Variants in VSNL1 observed in about 807,000 individuals in gnomAD.
The protein encoded by VSNL1 is visinin-like protein 1.
Under a neutral mutation model 20.4 loss-of-function variants are expected in VSNL1, and 6 were observed. That is an observed-to-expected ratio of 0.29 (90% CI 0.16 to 0.58). VSNL1 has a LOEUF of 0.58. Ranked by LOEUF, VSNL1 falls within the 20% of genes least tolerant of loss-of-function variation. The pLI is 0.90. For missense variants in VSNL1, 100 were observed against 234.5 expected (o/e 0.43, Z 3.75); for synonymous variants, 93 against 86.4 (o/e 1.08, Z -0.42).
chr2:17,620,737 C>G (rs1464996059), intron 2 of VSNL1, among the ~76,000 whole-genome samples: 1 of 152,108 alleles, frequency 6.6e-6, no homozygotes, highest in East Asian at 1.9e-4. Context: ...TGATTCTAAG[C>G]CTCAGAAATA....
chr2:17,587,556 C>A (rs145655826), intron 1 of VSNL1, among the ~76,000 whole-genome samples: 292 of 152,254 alleles, frequency 1.9e-3, no homozygotes, highest in African/African-American at 6.7e-3. Flanking sequence ...TGCTCTGGAA[C>A]CTGCTATCAA....
intron 2 of VSNL1, among the ~76,000 whole-genome samples, chr2:17,617,587 A>G (rs1665245590): frequency 6.6e-6 from 1 of 152,150 alleles, no homozygotes; most frequent in Non-Finnish European, 1.5e-5. Context: ...TGGCTTGTAG[A>G]GTTCATTCAG....
chr2:17,620,471 G>T (rs1025074145), intron 2 of VSNL1, among the ~76,000 whole-genome samples: 27 of 152,194 alleles, frequency 1.8e-4, no homozygotes, highest in Admixed American at 6.5e-4. Context: ...CATTCTCAGG[G>T]AAGATCTGCT....
At chr2:17,639,900 C>T (rs1665844976) in intron 2 of VSNL1, among the ~76,000 whole-genome samples, 1 of 152,316 alleles carries the variant, frequency 6.6e-6, no homozygotes, top group Admixed American at 6.5e-5. Flanking sequence ...CCCATTAAAT[C>T]CCAAAGGTCC....
intron 2 of VSNL1, among the ~76,000 whole-genome samples, chr2:17,626,720 G>A (rs895096054): frequency 1.3e-5 from 2 of 152,224 alleles, no homozygotes; most frequent in African/African-American, 4.8e-5. Flanking sequence ...GCTCTCTGAA[G>A]TTAGAATGAA....
chr2:17,600,362 A>G (rs1207179213), intron 2 of VSNL1, among the ~76,000 whole-genome samples: 1 of 152,200 alleles, frequency 6.6e-6, no homozygotes, highest in African/African-American at 2.4e-5. Flanking sequence ...ATCATCTTGC[A>G]CAGGTGAGGC....
At chr2:17,642,299 G>A (rs1665896986) in intron 2 of VSNL1, among the ~76,000 whole-genome samples, 1 of 100,086 alleles carries the variant, frequency 1.0e-5, no homozygotes, top group Non-Finnish European at 2.4e-5. Context: ...TTTTCCCATG[G>A]TGAGCATTCC....
chr2:17,574,795 C>G (rs550740956), intron 1 of VSNL1, among the ~76,000 whole-genome samples: 43 of 152,252 alleles, frequency 2.8e-4, no homozygotes, highest in African/African-American at 9.6e-4. Context: ...GAGATAGGGT[C>G]TCACTCTGTC....
intron 2 of VSNL1, among the ~76,000 whole-genome samples, chr2:17,625,611 G>A (rs1001176212): frequency 6.6e-6 from 1 of 152,126 alleles, no homozygotes; most frequent in East Asian, 1.9e-4. Context: ...TCAGTTCAGT[G>A]CTCTCCTTCC....
chr2:17,612,261 G>T (rs562273130), intron 2 of VSNL1, among the ~76,000 whole-genome samples: 1 of 152,274 alleles, frequency 6.6e-6, no homozygotes, highest in East Asian at 1.9e-4. Flanking sequence ...GGCCCCAGAG[G>T]CTGCCTGATA....
At chr2:17,635,551 A>G (rs1316829764) in intron 2 of VSNL1, among the ~76,000 whole-genome samples, 1 of 152,154 alleles carries the variant, frequency 6.6e-6, no homozygotes, top group African/African-American at 2.4e-5. Context: ...TATTAGCACC[A>G]GGATTCTGCA....
At chr2:17,544,872 T>A (rs1443479945) in intron 1 of VSNL1, among the ~76,000 whole-genome samples, 1 of 152,156 alleles carries the variant, frequency 6.6e-6, no homozygotes. Flanking sequence ...CAGAGATATA[T>A]TAAAGAATGA....
At chr2:17,564,478 ACAG>A (rs1222262063) in intron 1 of VSNL1, among the ~76,000 whole-genome samples, 6 of 152,198 alleles carry the variant, frequency 3.9e-5, no homozygotes, top group African/African-American at 1.2e-4. Context: ...AAAAACAACA[ACAG>A]CAGCAACTAC....
chr2:17,559,991 T>C (rs1176133119), intron 1 of VSNL1, among the ~76,000 whole-genome samples: 1 of 151,852 alleles, frequency 6.6e-6, no homozygotes, highest in Non-Finnish European at 1.5e-5. Flanking sequence ...AGCTATCAGA[T>C]AAATTACAAA....
At chr2:17,631,059 C>T (rs992932223) in intron 2 of VSNL1, among the ~76,000 whole-genome samples, 3 of 152,138 alleles carry the variant, frequency 2.0e-5, no homozygotes, top group Non-Finnish European at 4.4e-5. Context: ...GGATTACAGG[C>T]GTGAGCCACT....
At chr2:17,619,862 TAA>T (rs77449745) in intron 2 of VSNL1, among the ~76,000 whole-genome samples, 7,993 of 142,804 alleles carry the variant, frequency 0.056, 253 homozygotes, top group East Asian at 0.094. Context: ...GTTACAGTCT[TAA>T]AAAAAAAAAA....
chr2:17,590,479 GC>G (rs1319415023), intron 1 of VSNL1, among the ~76,000 whole-genome samples: 2 of 152,122 alleles, frequency 1.3e-5, no homozygotes, highest in African/African-American at 4.8e-5. Context: ...AAGTAGAGAA[GC>G]CCCATGACAA....
upstream of VSNL1, among the ~76,000 whole-genome samples, chr2:17,540,495 C>T (rs1394575434): frequency 1.3e-5 from 2 of 152,274 alleles, no homozygotes; most frequent in African/African-American, 4.8e-5. Flanking sequence ...GTGGAATCCA[C>T]CCGCGGAAAC....
At chr2:17,644,684 C>G (rs1665955846) in intron 2 of VSNL1, among the ~76,000 whole-genome samples, 1 of 152,204 alleles carries the variant, frequency 6.6e-6, no homozygotes, top group South Asian at 2.1e-4. Flanking sequence ...AAGTCCTACC[C>G]TTGCTGAAAG....
Sources: gnomAD v4.1 joint callset for allele counts (sites outside exome capture counted in the v4.1 genomes callset) on GRCh38, gnomAD v4.1.1 for gene constraint, MANE v1.5 for transcripts, NCBI Gene and HGNC (gene_info 2026-07-23, HGNC 2026-07-21) for gene names.